CASR: variants seen among roughly 807,000 people sequenced by gnomAD.
CASR encodes the protein extracellular calcium-sensing receptor.
In CASR, 23 loss-of-function variants were observed where a neutral mutation model predicts 69.1. That is an observed-to-expected ratio of 0.33 (90% confidence interval 0.24 to 0.47). CASR has a LOEUF of 0.47. Among genes scored for constraint, CASR ranks in the 20% least tolerant of loss-of-function variants. CASR has a pLI of 1.00. For synonymous variants in CASR, 541 were observed against 544.7 expected (o/e 0.99, Z 0.10); for missense variants, 924 against 1,356.1 (o/e 0.68, Z 5.00).
intron 1 of CASR, among the ~76,000 whole-genome samples, chr3:122,211,882 ATGG>A (rs1472709156): frequency 7.2e-5 from 11 of 152,052 alleles, no homozygotes; most frequent in African/African-American, 2.4e-4. Context: ...GCCAGTCGGA[ATGG>A]TGATTATTAA....
In CASR at chr3:122,190,247, A is replaced by C. The variant is rs143622625; in HGVS notation, c.-243+6435A>C. ...CTGCCAGTTAGAGCCCTTATGTGCT[A>C]AGTGCTTGTCGATTAAGAGATTCGG... On this transcript the variant is annotated intron_variant, in intron 1 of 6. Transcript: ENST00000639785. Among the ~76,000 whole-genome samples the C allele has an allele frequency of 3.9e-3, 588 of 152,270 alleles. 2 individuals carry two copies. The highest frequency in any genetic ancestry group is 6.7e-3 in the Non-Finnish European group (459 of 68,008).
At chr3:122,193,817 G>A (rs1025835992) in intron 1 of CASR, among the ~76,000 whole-genome samples, 1 of 152,180 alleles carries the variant, frequency 6.6e-6, no homozygotes, top group Non-Finnish European at 1.5e-5. Flanking sequence ...TCTAGTCACA[G>A]TAAAGTAACA....
At chr3:122,254,477 C>T (rs1387331411) in intron 2 of CASR, 103 bp downstream of exon 2, 1 of 1,164,668 alleles carries the variant, frequency 8.6e-7, no homozygotes, top group African/African-American at 1.5e-5. Context: ...CCTATCTTTT[C>T]AAGAATAGTG....
intron 3 of CASR, among the ~76,000 whole-genome samples, chr3:122,260,439 C>A (rs1197280635): frequency 6.6e-6 from 1 of 152,170 alleles, no homozygotes; most frequent in Non-Finnish European, 1.5e-5. Context: ...CTCCAGGGTT[C>A]CTGTTCAGCC....
intron 4 of CASR, among the ~76,000 whole-genome samples, chr3:122,264,975 G>A (rs989923654): frequency 6.6e-6 from 1 of 152,126 alleles, no homozygotes; most frequent in African/African-American, 2.4e-5. Context: ...AAGCCAACCT[G>A]CATGACACCT....
intron 4 of CASR, among the ~76,000 whole-genome samples, chr3:122,275,383 G>A (rs538176986): frequency 5.9e-4 from 90 of 152,290 alleles, no homozygotes; most frequent in Admixed American, 2.5e-3. Context: ...AGGAAAGTGC[G>A]GAGAATAAGA....
At chr3:122,263,807 G>C (rs1195755566) in intron 4 of CASR, among the ~76,000 whole-genome samples, 1 of 152,156 alleles carries the variant, frequency 6.6e-6, no homozygotes, top group Non-Finnish European at 1.5e-5. Flanking sequence ...CAAGATAGAG[G>C]TGCTGTAATA....
At chr3:122,189,085 A>G (rs2073816355) in intron 1 of CASR, among the ~76,000 whole-genome samples, 1 of 152,236 alleles carries the variant, frequency 6.6e-6, no homozygotes, top group Non-Finnish European at 1.5e-5. Context: ...ACAGAAATGA[A>G]CATTATAATT....
intron 2 of CASR, among the ~76,000 whole-genome samples, chr3:122,255,261 A>G (rs1323193216): frequency 6.8e-6 from 1 of 146,802 alleles, no homozygotes; most frequent in African/African-American, 2.5e-5. Context: ...CACCTCCCCT[A>G]ATCTACACTG....
chr3:122,271,311 G>A (rs913445296), intron 4 of CASR, among the ~76,000 whole-genome samples: 1 of 152,154 alleles, frequency 6.6e-6, no homozygotes, highest in Non-Finnish European at 1.5e-5. Flanking sequence ...AGAGAAGTTT[G>A]GTCTAATGAA....
At chr3:122,249,632 G>A (rs144812887) in intron 1 of CASR, among the ~76,000 whole-genome samples, 2 of 152,278 alleles carry the variant, frequency 1.3e-5, no homozygotes, top group African/African-American at 4.8e-5. Context: ...CCTGGTGCAC[G>A]GATCATTTCT....
chr3:122,209,918 C>A (rs535975996), intron 1 of CASR, among the ~76,000 whole-genome samples: 6 of 152,182 alleles, frequency 3.9e-5, no homozygotes, highest in Non-Finnish European at 8.8e-5. Flanking sequence ...CCCCAGGATG[C>A]AAGGCTGGTT....
intron 4 of CASR, among the ~76,000 whole-genome samples, chr3:122,267,073 T>C (rs1396201315): frequency 6.6e-6 from 1 of 152,232 alleles, no homozygotes; most frequent in Non-Finnish European, 1.5e-5. Context: ...TTCTAACTTA[T>C]GTTGCTTTTT....
Position 122,257,048 on chromosome 3 carries a change from T to G in CASR, c.186-33T>G, listed in dbSNP as rs1475052963. On this transcript the variant is annotated intron_variant, in intron 2 of 6. Coordinates refer to ENST00000639785, the MANE Select transcript of CASR (RefSeq NM_000388.4). ...ACTCTAAAGTCGTTGACTAGAAAGCTTCCCATTTTCTTCCACTTCTTCTTT... is the reference window on the plus strand; with the variant it reads ...ACTCTAAAGTCGTTGACTAGAAAGCGTCCCATTTTCTTCCACTTCTTCTTT... 19 of 1,597,460 alleles carry G rather than the reference T, an allele frequency of 1.2e-5. No homozygotes were observed. In the Admixed American group the frequency reaches 2.8e-4, roughly 24 times the overall value.
intron 1 of CASR, among the ~76,000 whole-genome samples, chr3:122,188,713 A>G (rs2073811211): frequency 6.6e-6 from 1 of 151,870 alleles, no homozygotes; most frequent in Non-Finnish European, 1.5e-5. Flanking sequence ...ATGTACCCTC[A>G]CTCCATGCCT....
intron 2 of CASR, among the ~76,000 whole-genome samples, chr3:122,255,705 A>G (rs1057077205): frequency 6.6e-6 from 1 of 152,252 alleles, no homozygotes; most frequent in Non-Finnish European, 1.5e-5. Flanking sequence ...AATCTGTAAT[A>G]TTTCATAATA....
At chr3:122,276,556 A>G (rs2074823789) in intron 5 of CASR, among the ~76,000 whole-genome samples, 1 of 152,182 alleles carries the variant, frequency 6.6e-6, no homozygotes, top group East Asian at 1.9e-4. Flanking sequence ...ATCCCGCCTC[A>G]ATGGCCAGTA....
At chr3:122,212,582 A>T (rs536924536) in intron 1 of CASR, among the ~76,000 whole-genome samples, 69 of 152,232 alleles carry the variant, frequency 4.5e-4, no homozygotes, top group Admixed American at 4.3e-3. Context: ...TAATTTTTTT[A>T]AAAAAAGAAA....
At chr3:122,238,106 G>A (rs2134223) in intron 1 of CASR, among the ~76,000 whole-genome samples, 130,259 of 152,230 alleles carry the variant, frequency 0.86, 56,141 homozygotes, top group Admixed American at 0.89. Flanking sequence ...CAGGTGAACA[G>A]TCACAGCACC....
Sources: gnomAD v4.1 joint callset for allele counts (sites outside exome capture counted in the v4.1 genomes callset) on GRCh38, gnomAD v4.1.1 for gene constraint, MANE v1.5 for transcripts, NCBI Gene and HGNC (gene_info 2026-07-23, HGNC 2026-07-21) for gene names.